The following PCDHA8 variants were observed in gnomAD, a reference collection of about 807,000 sequenced individuals.
The protein encoded by PCDHA8 is protocadherin alpha 8.
In PCDHA8, 53 loss-of-function variants were observed where a neutral mutation model predicts 61.8. The ratio of observed to expected loss-of-function variants is 0.86; its 90% confidence interval spans 0.69 to 1.08. The LOEUF is 1.08. Ranked by LOEUF, PCDHA8 falls within the 50% of genes least tolerant of loss-of-function variation. The pLI is 0.00. For synonymous variants in PCDHA8, 618 were observed against 556.6 expected (o/e 1.11, Z -1.55); for missense variants, 1,293 against 1,245.0 (o/e 1.04, Z -0.58).
At position 140,841,226 on chromosome 5, in the gene PCDHA8, G is replaced by A. The variant is rs2150312161; in HGVS notation, c.-96G>A. 1.1e-5 allele frequency: 16 copies of A among 1,452,002 alleles called. 1 individual carries two copies. Among genetic ancestry groups the A allele is most frequent in the Non-Finnish European group, 1.5e-5 (16 of 1,077,992 alleles). The allele number at this position is 1,452,002 out of a possible 1,614,324, so 89.9% of individuals were successfully genotyped here. On this transcript the variant is annotated 5_prime_UTR_variant, in exon 1 of 4. Transcript: ENST00000531613. The stretch of plus-strand genomic sequence containing the variant: ...CATCTGTCTCTAAAGGCCGAACAAC[G>A]GGAGATGCAGCGGAATTGGATTAAA...
intron 1 of PCDHA8, among the ~76,000 whole-genome samples, chr5:140,938,665 G>A (rs542703903): frequency 7.1e-4 from 108 of 152,106 alleles, no homozygotes; most frequent in Admixed American, 1.2e-3. Context: ...ATTAGACTTA[G>A]TTTCCTAACA....
At chr5:140,965,853 A>G (rs1554227879) in intron 1 of PCDHA8, among the ~76,000 whole-genome samples, 2 of 152,220 alleles carry the variant, frequency 1.3e-5, no homozygotes, top group Non-Finnish European at 2.9e-5. Flanking sequence ...CAAGGCACAC[A>G]CTGAAAATAA....
At chr5:140,875,922 T>A (rs1554168077) in intron 1 of PCDHA8, 1 of 1,614,200 alleles carries the variant, frequency 6.2e-7, no homozygotes, top group Admixed American at 1.7e-5. Flanking sequence ...CTCTGGACTC[T>A]CATTTTCCTC....
chr5:140,865,144 T>G (rs2048753153), intron 1 of PCDHA8: 1 of 152,224 alleles, frequency 6.6e-6, no homozygotes, highest in East Asian at 1.9e-4. Context: ...AATTTAACAT[T>G]GTATACTTTT....
At chr5:140,856,571 G>T in intron 1 of PCDHA8, 1 of 1,597,838 alleles carries the variant, frequency 6.3e-7, no homozygotes, top group African/African-American at 1.3e-5. Context: ...CAGTCCAAAT[G>T]AGTATTTTGT....
intron 1 of PCDHA8, among the ~76,000 whole-genome samples, chr5:140,899,251 G>T (rs1322090098): frequency 2.6e-5 from 4 of 152,082 alleles, no homozygotes; most frequent in African/African-American, 9.7e-5. Flanking sequence ...GTGAGAGAGG[G>T]CATCCCTGTC....
chr5:140,869,340 G>A (rs1554162920), intron 1 of PCDHA8: 4 of 1,614,018 alleles, frequency 2.5e-6, no homozygotes, highest in Non-Finnish European at 3.4e-6. Flanking sequence ...AGGTAAATCT[G>A]CAGAATGGCA....
intron 1 of PCDHA8, chr5:140,882,751 T>C: frequency 6.2e-7 from 1 of 1,614,242 alleles, no homozygotes; most frequent in Non-Finnish European, 8.5e-7. Flanking sequence ...CCGATGCAGA[T>C]ATTGGAGTAA....
At chr5:140,890,700 A>T (rs1265643590) in intron 1 of PCDHA8, among the ~76,000 whole-genome samples, 1 of 152,214 alleles carries the variant, frequency 6.6e-6, no homozygotes, top group East Asian at 1.9e-4. Context: ...CAGGGACCTT[A>T]CATTTTTAAA....
At chr5:140,902,203 C>CTTTTTT (rs148688132) in intron 1 of PCDHA8, among the ~76,000 whole-genome samples, 15 of 124,432 alleles carry the variant, frequency 1.2e-4, no homozygotes, top group Non-Finnish European at 2.0e-4. Flanking sequence ...CTCTCTCTTT[C>CTTTTTT]TTTTTTTTTT....
intron 3 of PCDHA8, among the ~76,000 whole-genome samples, chr5:140,995,211 A>G (rs529613370): frequency 2.6e-5 from 4 of 152,188 alleles, no homozygotes; most frequent in Non-Finnish European, 4.4e-5. Context: ...ATTAGGCACA[A>G]TACTCTTGTG....
intron 1 of PCDHA8, among the ~76,000 whole-genome samples, chr5:140,915,075 A>G (rs111889109): frequency 6.6e-6 from 1 of 151,436 alleles, no homozygotes; most frequent in South Asian, 2.1e-4. Context: ...CCTACTGAGT[A>G]GCTGGGACTA....
chr5:140,904,613 T>C (rs1554191625), intron 1 of PCDHA8, among the ~76,000 whole-genome samples: 2 of 152,112 alleles, frequency 1.3e-5, no homozygotes, highest in African/African-American at 2.4e-5. Context: ...ATAGTAGTTT[T>C]ACTTTTAGTT....
chr5:140,880,821 G>A (rs1054552020), intron 1 of PCDHA8, among the ~76,000 whole-genome samples: 4 of 152,206 alleles, frequency 2.6e-5, no homozygotes, highest in African/African-American at 7.2e-5. Flanking sequence ...AGAGTGTCTG[G>A]AAGGGCATAT....
intron 1 of PCDHA8, among the ~76,000 whole-genome samples, chr5:140,972,103 CA>C (rs1388508761): frequency 2.0e-5 from 3 of 152,104 alleles, no homozygotes; most frequent in Non-Finnish European, 4.4e-5. Context: ...GGCATAGAAG[CA>C]GGTAACAAAT....
chr5:140,884,239 C>T, intron 1 of PCDHA8: 1 of 1,613,424 alleles, frequency 6.2e-7, no homozygotes, highest in Non-Finnish European at 8.5e-7. Context: ...ACGGTGAGCC[C>T]GCGCTGACGG....
intron 1 of PCDHA8, among the ~76,000 whole-genome samples, chr5:140,951,285 A>T (rs1267785922): frequency 6.6e-6 from 1 of 152,100 alleles, no homozygotes; most frequent in East Asian, 1.9e-4. Context: ...GTAATTTTGG[A>T]TTATATCTTG....
At chr5:140,849,750 T>G in intron 1 of PCDHA8, 1 of 1,598,370 alleles carries the variant, frequency 6.3e-7, no homozygotes, top group Admixed American at 1.7e-5. Context: ...CGAGAGTGTG[T>G]CCGCCTACGA....
intron 1 of PCDHA8, among the ~76,000 whole-genome samples, chr5:140,939,605 G>GAACAAGGA (rs1468383916): frequency 1.3e-5 from 2 of 152,082 alleles, no homozygotes; most frequent in African/African-American, 4.8e-5. Flanking sequence ...CTCAAAAACA[G>GAACAAGGA]AACAAGGAGA....
Sources: allele counts gnomAD v4.1 joint callset (sites outside exome capture counted in the v4.1 genomes callset), GRCh38; gene constraint gnomAD v4.1.1; transcripts MANE v1.5; gene names NCBI Gene and HGNC (gene_info 2026-07-23, HGNC 2026-07-21).